NOTCH3: variants seen among roughly 807,000 people sequenced by gnomAD.
NOTCH3 encodes the protein notch receptor 3.
NOTCH3 carries 86 observed loss-of-function variants against 213.3 expected under a neutral mutation model. The observed-to-expected ratio is 0.40, with a 90% CI of 0.34 to 0.48. NOTCH3 has a LOEUF of 0.48. Ranked by LOEUF, NOTCH3 falls within the 20% of genes least tolerant of loss-of-function variation. The pLI is 0.57. For synonymous variants in NOTCH3, 1,354 were observed against 1,355.9 expected (o/e 1.00, Z 0.03); for missense variants, 2,783 against 3,272.6 (o/e 0.85, Z 3.65).
At chr19:15,173,149 T>C (rs1288217120) in intron 25 of NOTCH3, among the ~76,000 whole-genome samples, 3 of 131,922 alleles carry the variant, frequency 2.3e-5, no homozygotes, top group African/African-American at 8.3e-5. Flanking sequence ...AGGCCGGGCA[T>C]GGTGGCTCAC....
rs766316985 is a variant in NOTCH3, at chr19:15,185,731, C to T, written c.1952-52G>A. 1.3e-6 allele frequency: 2 copies of T among 1,588,014 alleles called. No individual in the cohort carries two copies. The highest frequency in any genetic ancestry group is 3.3e-5 in the Admixed American group (2 of 59,828). ...TCAGAACAAAGTCAGCAGGGACAAC[C>T]AGGGAGGGACGACGTGACCCCACTT... On this transcript the variant is annotated intron_variant, in intron 12 of 32. Transcript: ENST00000263388. This position sits in a 1 kb window ranked among gnomAD's most constrained non-coding sequence, Gnocchi z 4.2.
chr19:15,186,326 G>A (rs576866346), intron 12 of NOTCH3, among the ~76,000 whole-genome samples: 17 of 152,082 alleles, frequency 1.1e-4, no homozygotes, highest in African/African-American at 4.1e-4. Flanking sequence ...CCTAGTCACT[G>A]AGTTTGGACA....
At chr19:15,171,412 A>C (rs1235292743) in intron 25 of NOTCH3, among the ~76,000 whole-genome samples, 2 of 152,058 alleles carry the variant, frequency 1.3e-5, no homozygotes, top group East Asian at 3.9e-4. Flanking sequence ...CACAGTGGCG[A>C]AATCAGAGCT....
intron 22 of NOTCH3, 42 bp from the exon 23 acceptor site, chr19:15,178,983 T>C (rs1363418477): frequency 6.2e-7 from 1 of 1,614,006 alleles, no homozygotes; most frequent in African/African-American, 1.3e-5. Flanking sequence ...AATGGGGGAA[T>C]GACAGGCGGG....
rs1423071021 is a variant in NOTCH3 at position 15,180,701 on chromosome 19, C to T, written c.3122G>A (p.Arg1041Lys). Residue 1041 changes from arginine to lysine, a missense_variant, in exon 19 of 33, where the codon AGG (arginine) becomes AAG (lysine). Arg to Lys is a conservative substitution (Grantham distance 26). Coordinates refer to ENST00000263388, the MANE Select transcript of NOTCH3 (RefSeq NM_000435.3). ...RLCDIRSLPC[R>K]EAAAQIGVRL... is the part of the protein sequence containing the mutation. ...CTCACCGATCTGGGCTGCGGCCTCCCTGCAGGGCAAGCTTCGGATGTCACA... is the reference window on the plus strand; with the variant it reads ...CTCACCGATCTGGGCTGCGGCCTCCTTGCAGGGCAAGCTTCGGATGTCACA... 1 of 1,560,228 alleles carries T rather than the reference C, an allele frequency of 6.4e-7. No homozygotes were observed. The highest frequency in any genetic ancestry group is 1.9e-5 in the Admixed American group (1 of 52,062).
intron 10 of NOTCH3, 50 bp from the exon 11 acceptor site, chr19:15,187,388 A>G: frequency 2.6e-6 from 4 of 1,533,590 alleles, no homozygotes; most frequent in Non-Finnish European, 3.6e-6. Context: ...GGGCCTGCCC[A>G]CAAGTGAGGC....
At chr19:15,166,506 AG>A (rs111838538) in intron 29 of NOTCH3, among the ~76,000 whole-genome samples, 121,943 of 151,114 alleles carry the variant, frequency 0.81, 49,837 homozygotes, top group Non-Finnish European at 0.89. Context: ...GTGTTTTAAA[AG>A]GGGGGGGGAA....
In NOTCH3 at chr19:15,185,714, A is replaced by C; in HGVS notation, c.1952-35T>G. The C allele has an allele frequency of 6.2e-7, 1 of 1,607,990 alleles. No individual in the cohort carries two copies. ...ACACAAGCAATCTCATCTCAGAACA[A>C]AGTCAGCAGGGACAACCAGGGAGGG... On this transcript the variant is annotated intron_variant, in intron 12 of 32. Transcript: ENST00000263388. The surrounding 1 kb of genome is among the most constrained non-coding windows in gnomAD (Gnocchi z 4.2).
chr19:15,199,403 C>T (rs572937700), intron 1 of NOTCH3, among the ~76,000 whole-genome samples: 1 of 152,144 alleles, frequency 6.6e-6, no homozygotes, highest in South Asian at 2.1e-4. Flanking sequence ...GTGTGTGCAC[C>T]GCTGTGTCTG....
intron 15 of NOTCH3, 133 bp downstream of exon 15, chr19:15,184,773 T>C: frequency 1.6e-6 from 1 of 643,354 alleles, no homozygotes; most frequent in Admixed American, 2.5e-5. Flanking sequence ...TCCAGCTCTG[T>C]CCTTCCAAGA....
rs532100840 is a variant in NOTCH3 at position 15,185,017 on chromosome 19, G to A, written c.2299C>T (p.Arg767Cys). 3.5e-5 allele frequency: 52 copies of A among 1,475,080 alleles called. No homozygotes were observed. The highest frequency in any genetic ancestry group is 2.0e-4 in the East Asian group (8 of 40,266). 91.4% of individuals were successfully genotyped at this position (1,475,080 alleles called of 1,614,324 possible). ...HCTCPPGVQG[R>C]QCELLSPCTP... is the part of the protein sequence containing the mutation. ...CAGGGGGAGAGGAGTTCACACTGAC[G>A]TCCTGTTGGGGGTGGAAGAGAGGGA... Residue 767 changes from arginine to cysteine, a missense_variant and splice_region_variant, in exon 15 of 33, where the codon CGT becomes TGT. Physicochemically the swap from Arg to Cys is radical, Grantham distance 180. Coordinates refer to ENST00000263388, the MANE Select transcript of NOTCH3 (RefSeq NM_000435.3). This position sits in a 1 kb window ranked among gnomAD's most constrained non-coding sequence, Gnocchi z 4.2.
intron 26 of NOTCH3, 42 bp downstream of exon 26, chr19:15,170,629 C>CCCCG: frequency 6.5e-7 from 1 of 1,529,050 alleles, no homozygotes; most frequent in Non-Finnish European, 8.8e-7. Context: ...CGGCCGCCCC[C>CCCCG]AGCTCCGCCC....
At position 15,189,392 on chromosome 19, in the gene NOTCH3, T is replaced by A; in HGVS notation, c.1073A>T (p.Asn358Ile). 1.9e-6 allele frequency: 3 copies of A among 1,613,800 alleles called. No individual in the cohort carries two copies. In the South Asian group the frequency reaches 3.3e-5, roughly 18 times the overall value. Residue 358 changes from asparagine (N) to isoleucine (I), a missense_variant, in exon 7 of 33, where the codon AAC becomes ATC. Coordinates refer to ENST00000263388, the MANE Select transcript of NOTCH3 (RefSeq NM_000435.3). ...LCHLDDACVS[N>I]PCHEDAICDT... ...ACAGATAGCATCCTCGTGGCAGGGG[T>A]TGCTGACACAGGCGTCATCCAGGTG...
At chr19:15,181,407 C>G (rs1334452135) in intron 17 of NOTCH3, among the ~76,000 whole-genome samples, 169 bp downstream of exon 17, 1 of 152,304 alleles carries the variant, frequency 6.6e-6, no homozygotes, top group East Asian at 1.9e-4. Context: ...AAGGTGAGCT[C>G]CAAACAGACG....
chr19:15,195,424 T>C (rs1005867530), intron 2 of NOTCH3, among the ~76,000 whole-genome samples: 13 of 150,560 alleles, frequency 8.6e-5, no homozygotes, highest in African/African-American at 3.2e-4. Flanking sequence ...AGCCAGAGAG[T>C]CCAAGCTCCG....
chr19:15,189,388 G>A lies in NOTCH3; in HGVS notation c.1077C>T (p.Pro359=), dbSNP rs2145437275. ...CHLDDACVSN[P]CHEDAICDTN... is the part of the protein sequence containing the mutation. ...TGTCACAGATAGCATCCTCGTGGCA[G>A]GGGTTGCTGACACAGGCGTCATCCA... The change falls in exon 7 of 33, where the codon CCC becomes CCT. Residue 359 remains proline, a synonymous_variant. Coordinates refer to ENST00000263388, the MANE Select transcript of NOTCH3 (RefSeq NM_000435.3). 1 of 1,613,952 alleles carries A rather than the reference G, an allele frequency of 6.2e-7. No homozygotes were observed. The highest frequency in any genetic ancestry group is 8.5e-7 in the Non-Finnish European group (1 of 1,180,046).
intron 31 of NOTCH3, among the ~76,000 whole-genome samples, chr19:15,163,470 T>G (rs118169124): frequency 0.014 from 2,093 of 152,322 alleles, 23 homozygotes; most frequent in South Asian, 0.048. Context: ...CCAAGATTCT[T>G]AGATGTGACA....
Position 15,187,097 on chromosome 19 carries a change from G to T in NOTCH3, c.1840+8C>A, listed in dbSNP as rs372100017. On this transcript the variant is annotated splice_region_variant and intron_variant, in intron 11 of 32. Coordinates refer to ENST00000263388, the MANE Select transcript of NOTCH3 (RefSeq NM_000435.3). ...GTGTGCTGTTTCTGCCCCAGCCCCC[G>T]GTCCCACCTGTGGTCCCAGAAGGGC... 1 of 1,612,468 alleles carries T rather than the reference G, an allele frequency of 6.2e-7. No individual in the cohort carries two copies. Among genetic ancestry groups the T allele is most frequent in the South Asian group, 1.1e-5 (1 of 90,886 alleles).
intron 1 of NOTCH3, among the ~76,000 whole-genome samples, chr19:15,198,809 G>C (rs2046988995): frequency 6.6e-6 from 1 of 152,160 alleles, no homozygotes; most frequent in African/African-American, 2.4e-5. Context: ...TACTCGGGAG[G>C]CTGAGGCAGG....
Sources: allele counts gnomAD v4.1 joint callset (sites outside exome capture counted in the v4.1 genomes callset), GRCh38; gene constraint gnomAD v4.1.1; non-coding constraint Gnocchi (gnomAD v3.1); transcripts MANE v1.5; gene names NCBI Gene and HGNC (gene_info 2026-07-23, HGNC 2026-07-21).